DMD: variants seen among roughly 807,000 people sequenced by gnomAD.
DMD encodes the protein mutant dystrophin.
DMD carries 63 observed loss-of-function variants against 330.1 expected under a neutral mutation model. The observed-to-expected ratio is 0.19, with a 90% confidence interval of 0.16 to 0.24. The LOEUF is 0.24. Among genes scored for constraint, DMD ranks in the 10% least tolerant of loss-of-function variants. The pLI, the probability that DMD is intolerant of heterozygous loss-of-function variation, is 1.00. For missense variants in DMD, 3,344 were observed against 2,684.1 expected, an observed-to-expected ratio of 1.25 and a Z score of -5.43; for synonymous variants, 1,223 against 959.8, an observed-to-expected ratio of 1.27 and a Z score of -5.07.
intron 53 of DMD, among the ~76,000 whole-genome samples, chrX:31,662,486 C>G (rs1339948236): frequency 8.9e-6 from 1 of 111,919 alleles, no homozygotes; most frequent in Non-Finnish European, 1.9e-5. Context: ...AAGTGCATAG[C>G]TCTATCATTA....
At chrX:32,453,460 G>A (rs772580296) in intron 26 of DMD, among the ~76,000 whole-genome samples, 47 of 110,689 alleles carry the variant, frequency 4.2e-4, no homozygotes, top group Non-Finnish European at 8.2e-4. Context: ...GACTAAAGCC[G>A]TATGACAGAT....
intron 1 of DMD, among the ~76,000 whole-genome samples, chrX:33,137,357 G>A (rs1229243315): frequency 9.0e-6 from 1 of 111,638 alleles, no homozygotes; most frequent in Non-Finnish European, 1.9e-5. Flanking sequence ...AGTGGTGGGG[G>A]GAGGATAACG....
chrX:32,532,050 A>T (rs1412249076), intron 17 of DMD, among the ~76,000 whole-genome samples: 4 of 111,553 alleles, frequency 3.6e-5, no homozygotes, highest in Non-Finnish European at 7.5e-5. Context: ...TTCTCACATC[A>T]GAGAAAATAT....
intron 44 of DMD, among the ~76,000 whole-genome samples, chrX:31,988,343 G>A (rs1163314904): frequency 2.8e-5 from 3 of 106,417 alleles, no homozygotes; most frequent in Admixed American, 1.0e-4. Context: ...ACGTGGTGGC[G>A]GCCGCCTGTA....
At chrX:31,658,795 C>T (rs2080943457) in intron 53 of DMD, among the ~76,000 whole-genome samples, 2 of 112,380 alleles carry the variant, frequency 1.8e-5, no homozygotes, top group African/African-American at 6.5e-5. Context: ...TATCTCATCA[C>T]TTGAAACATA....
Position 31,805,674 on chromosome X carries a change from C to G in DMD, c.7309+14301G>C, listed in dbSNP as rs367975425. Among the ~76,000 whole-genome samples, 82 of 111,819 alleles carry G rather than the reference C, an allele frequency of 7.3e-4. 1 individual carries two copies. The highest frequency in any genetic ancestry group is 2.3e-3 in the African/African-American group (71 of 30,843). ...TAGTGGAACACTCTTAAGAGTTGTA[C>G]CAGGTATTTCACATCTCTTTATTCT... On this transcript the variant is annotated intron_variant, in intron 50 of 78. Transcript: ENST00000357033.
At chrX:32,345,802 A>C in intron 39 of DMD, 141 bp downstream of exon 39, 2 of 602,590 alleles carry the variant, frequency 3.3e-6, no homozygotes, top group Non-Finnish European at 5.0e-6. Context: ...AAAAATGTTA[A>C]ATAAAGCATA....
At chrX:32,755,052 C>A (rs191150359) in intron 7 of DMD, 2 of 111,310 alleles carry the variant, frequency 1.8e-5, no homozygotes, top group East Asian at 2.9e-4. Context: ...CAATGCATGA[C>A]CTGACTGTAA....
chrX:32,239,643 G>C (rs146525279), intron 43 of DMD, among the ~76,000 whole-genome samples: 1,245 of 110,842 alleles, frequency 0.011, 14 homozygotes, highest in African/African-American at 0.038. Context: ...ACACAGAGTA[G>C]TTTCATTGCT....
At chrX:31,227,085 GC>G (rs2046681465) in intron 63 of DMD, among the ~76,000 whole-genome samples, 1 of 110,655 alleles carries the variant, frequency 9.0e-6, no homozygotes, top group Non-Finnish European at 1.9e-5. Flanking sequence ...TAACTCATGT[GC>G]CTAGTTTCCT....
chrX:32,110,480 A>G, intron 44 of DMD, among the ~76,000 whole-genome samples: 1 of 112,044 alleles, frequency 8.9e-6, no homozygotes, highest in Non-Finnish European at 1.9e-5. Flanking sequence ...AAGTCATATA[A>G]ACAAGTTATT....
chrX:32,831,111 C>G (rs1252404131), intron 4 of DMD, among the ~76,000 whole-genome samples: 1 of 110,416 alleles, frequency 9.1e-6, no homozygotes, highest in Non-Finnish European at 1.9e-5. Flanking sequence ...TTTCAGGGAG[C>G]ATTTACTTCC....
At chrX:31,192,957 A>G (rs2042532570) in intron 67 of DMD, among the ~76,000 whole-genome samples, 1 of 111,793 alleles carries the variant, frequency 8.9e-6, no homozygotes, top group Non-Finnish European at 1.9e-5. Context: ...CATGGCTGCG[A>G]GAGCCAATGG....
intron 55 of DMD, among the ~76,000 whole-genome samples, chrX:31,603,537 G>A (rs888882988): frequency 1.8e-5 from 2 of 111,553 alleles, no homozygotes; most frequent in Non-Finnish European, 3.8e-5. Context: ...GTATTTCCAG[G>A]TTTTCAAGCA....
At chrX:31,498,998 G>A (rs1012738310) in intron 56 of DMD, among the ~76,000 whole-genome samples, 1 of 111,797 alleles carries the variant, frequency 8.9e-6, no homozygotes, top group Non-Finnish European at 1.9e-5. Context: ...AGCATGTAAT[G>A]TGTAATGGTT....
intron 49 of DMD, among the ~76,000 whole-genome samples, chrX:31,833,108 T>C (rs2093091665): frequency 9.0e-6 from 1 of 111,340 alleles, no homozygotes; most frequent in Non-Finnish European, 1.9e-5. Context: ...AAAGACTATT[T>C]CATCTATGGC....
intron 1 of DMD, among the ~76,000 whole-genome samples, chrX:33,114,324 G>A (rs948417040): frequency 9.1e-6 from 1 of 109,610 alleles, no homozygotes; most frequent in African/African-American, 3.3e-5. Flanking sequence ...TGGCCAGGCT[G>A]GTCTCGAACT....
chrX:31,174,815 C>T (rs780849025), intron 71 of DMD, among the ~76,000 whole-genome samples: 9 of 111,810 alleles, frequency 8.0e-5, no homozygotes, highest in East Asian at 2.8e-4. Flanking sequence ...AAGATAATTA[C>T]GACACACTAT....
chrX:31,633,113 A>T (rs1183408460), intron 54 of DMD, among the ~76,000 whole-genome samples: 1 of 111,938 alleles, frequency 8.9e-6, no homozygotes, highest in Non-Finnish European at 1.9e-5. Flanking sequence ...AATATATGAC[A>T]TCATTTTAAT....
Sources: gnomAD v4.1 joint callset for allele counts (sites outside exome capture counted in the v4.1 genomes callset) on GRCh38, gnomAD v4.1.1 for gene constraint, MANE v1.5 for transcripts, NCBI Gene and HGNC (gene_info 2026-07-23, HGNC 2026-07-21) for gene names.